ATXN2: variants seen among roughly 807,000 people sequenced by gnomAD.
ATXN2 encodes the protein ataxin-2.
ATXN2 carries 37 observed loss-of-function variants against 138.6 expected under a neutral mutation model. The ratio of observed to expected loss-of-function variants is 0.27; its 90% confidence interval spans 0.21 to 0.35. The LOEUF (loss-of-function observed/expected upper bound fraction) is 0.35. Among genes scored for constraint, ATXN2 ranks in the 10% least tolerant of loss-of-function variants. The probability of loss-of-function intolerance (pLI) is 1.00; values close to 1 mark genes in which losing one functional copy is unlikely to be tolerated. For missense variants in ATXN2, 1,216 were observed against 1,480.3 expected (o/e 0.82, Z 2.93); for synonymous variants, 549 against 543.7 (o/e 1.01, Z -0.13).
At chr12:111,535,119 CT>C (rs2135759596) in intron 5 of ATXN2, among the ~76,000 whole-genome samples, 1 of 152,238 alleles carries the variant, frequency 6.6e-6, no homozygotes, top group African/African-American at 2.4e-5. Flanking sequence ...GAGAGAGACC[CT>C]TTCTCAACAA....
intron 14 of ATXN2, among the ~76,000 whole-genome samples, chr12:111,507,920 G>A (rs1023843945): frequency 6.2e-4 from 95 of 152,260 alleles, no homozygotes; most frequent in African/African-American, 2.3e-3. Flanking sequence ...TGGATTAAGG[G>A]CGGTGCAAGA....
intron 21 of ATXN2, among the ~76,000 whole-genome samples, chr12:111,460,082 C>G (rs1875450777): frequency 6.6e-6 from 1 of 151,920 alleles, no homozygotes; most frequent in Non-Finnish European, 1.5e-5. Context: ...GTGGACAGTG[C>G]AGTTTTGTTG....
intron 18 of ATXN2, among the ~76,000 whole-genome samples, chr12:111,474,973 G>C (rs762794461): frequency 4.6e-5 from 7 of 152,078 alleles, no homozygotes; most frequent in Non-Finnish European, 7.4e-5. Context: ...CAGCACTTTG[G>C]GAGGCCGAGG....
intron 6 of ATXN2, among the ~76,000 whole-genome samples, chr12:111,524,730 T>C (rs1880385521): frequency 6.6e-6 from 1 of 152,228 alleles, no homozygotes; most frequent in Admixed American, 6.5e-5. Flanking sequence ...ATGCTTTAAT[T>C]CCAATGTAAC....
chr12:111,470,335 T>C, intron 19 of ATXN2, 95 bp from the exon 20 acceptor site: 1 of 1,442,826 alleles, frequency 6.9e-7, no homozygotes, highest in Middle Eastern at 2.4e-4. Flanking sequence ...GTTTCCAGAT[T>C]TCCAGAAACA....
intron 1 of ATXN2, among the ~76,000 whole-genome samples, chr12:111,563,004 A>C (rs1052768518): frequency 6.6e-6 from 1 of 152,212 alleles, no homozygotes; most frequent in African/African-American, 2.4e-5. Context: ...GGATAAATAT[A>C]TACAATGCAC....
chr12:111,493,724 G>A (rs1878207545), intron 14 of ATXN2, among the ~76,000 whole-genome samples: 1 of 151,926 alleles, frequency 6.6e-6, no homozygotes, highest in African/African-American at 2.4e-5. Context: ...CGCCTCCCAG[G>A]TTCAAGCGAT....
At chr12:111,513,266 ACACTTCCTCAAACAGAGTTGTAGCTCAG>A in intron 11 of ATXN2, 63 bp downstream of exon 11, 1 of 1,425,218 alleles carries the variant, frequency 7.0e-7, no homozygotes, top group Non-Finnish European at 9.6e-7. Flanking sequence ...ATACATACTT[ACACTTCCTCAAACAGAGTTGTAGCTCAG>A]CCCTCTTTAT....
chr12:111,559,449 G>A (rs1882557058), intron 1 of ATXN2, among the ~76,000 whole-genome samples: 1 of 151,442 alleles, frequency 6.6e-6, no homozygotes, highest in Admixed American at 6.6e-5. Context: ...CATCATAGGA[G>A]GAGAACTTAT....
chr12:111,490,122 G>A (rs1391439272), intron 14 of ATXN2, among the ~76,000 whole-genome samples: 1 of 151,036 alleles, frequency 6.6e-6, no homozygotes, highest in Admixed American at 6.6e-5. Flanking sequence ...TATGAGAATT[G>A]CTTGAACCCA....
At chr12:111,466,579 C>CT (rs1876046127) in intron 20 of ATXN2, among the ~76,000 whole-genome samples, 2 of 152,198 alleles carry the variant, frequency 1.3e-5, no homozygotes, top group Admixed American at 1.3e-4. Context: ...AAGGTCAATA[C>CT]TTTTTTAGAA....
intron 1 of ATXN2, among the ~76,000 whole-genome samples, chr12:111,576,393 C>T (rs1254121730): frequency 6.6e-6 from 1 of 152,016 alleles, no homozygotes; most frequent in Non-Finnish European, 1.5e-5. Flanking sequence ...TAAGATTGCG[C>T]CACTGCACGC....
rs201459505 is a variant in ATXN2 at position 111,462,967 on chromosome 12, T to TACACACACAC, written c.2896+1694_2896+1695insGTGTGTGTGT. ...TAAATTATATATACACACATACATATATATATATATACACACACACACACA... is the reference window on the plus strand; with the variant it reads ...TAAATTATATATACACACATACATATACACACACACATATATATATACACACACACACACA... On this transcript the variant is annotated intron_variant, in intron 21 of 24. Transcript: ENST00000673436. Among the ~76,000 whole-genome samples the TACACACACAC allele has an allele frequency of 2.4e-3, 326 of 134,668 alleles. 1 individual carries two copies. Among genetic ancestry groups the TACACACACAC allele is most frequent in the African/African-American group, 9.1e-3 (312 of 34,436 alleles). The allele number at this position is 134,668 out of a possible 152,430, so 88.3% of individuals were successfully genotyped here. A position where few individuals can be genotyped will look rare whatever the true frequency, so the allele number is the denominator to read the frequency against.
chr12:111,581,990 C>T (rs1198368908), intron 1 of ATXN2, among the ~76,000 whole-genome samples: 1 of 151,086 alleles, frequency 6.6e-6, no homozygotes, highest in East Asian at 1.9e-4. Context: ...ACTCCAAATG[C>T]GTTTGACTCT....
Position 111,470,186 on chromosome 12 carries a change from G to T in ATXN2, c.2764C>A (p.Pro922Thr). 6.2e-7 allele frequency: 1 copy of T among 1,614,148 alleles called. No homozygotes were observed. Among genetic ancestry groups the T allele is most frequent in the South Asian group, 1.1e-5 (1 of 91,082 alleles). ...IQGNARMMAP[P>T]THAQPGLVSS... ...ACTAAACCAGGCTGGGCGTGTGTTG[G>T]TGGTGCCATCATTCTAGCATTACCC... The change falls in exon 20 of 25, where the codon CCA becomes ACA. Residue 922 changes from proline to threonine, a missense_variant. This residue lies in a region of ATXN2 where 490 missense variants were observed against 653.5 expected (regional missense o/e 0.75). Transcript: ENST00000673436.
intron 1 of ATXN2, chr12:111,597,766 C>T (rs561497879): frequency 2.0e-6 from 2 of 1,014,884 alleles, no homozygotes; most frequent in East Asian, 6.0e-5. Flanking sequence ...CCTTCAGGAA[C>T]CCGACCACGT....
At chr12:111,488,915 T>C in intron 14 of ATXN2, 135 bp from the exon 15 acceptor site, 3 of 760,958 alleles carry the variant, frequency 3.9e-6, no homozygotes, top group Non-Finnish European at 6.1e-6. Context: ...ACTTTAAGAG[T>C]AATGCTTTTA....
intron 1 of ATXN2, among the ~76,000 whole-genome samples, chr12:111,571,385 A>G (rs1883304345): frequency 6.6e-6 from 1 of 152,218 alleles, no homozygotes; most frequent in South Asian, 2.1e-4. Context: ...CTACTACTGA[A>G]TAAGAAAGCT....
intron 1 of ATXN2, among the ~76,000 whole-genome samples, chr12:111,566,041 G>C (rs1003544129): frequency 6.6e-6 from 1 of 151,910 alleles, no homozygotes; most frequent in South Asian, 2.1e-4. Flanking sequence ...AGCTATGATG[G>C]GAATGTACAA....
Sources: gnomAD v4.1 joint callset for allele counts (sites outside exome capture counted in the v4.1 genomes callset) on GRCh38, gnomAD v4.1.1 for gene constraint, gnomAD v4.1.1 regional missense constraint, MANE v1.5 for transcripts, NCBI Gene and HGNC (gene_info 2026-07-23, HGNC 2026-07-21) for gene names.